COX15: variants seen among roughly 807,000 people sequenced by gnomAD.
COX15 encodes heme A synthase COX15.
A neutral mutation model predicts 51.9 loss-of-function variants in COX15; 51 were observed. That is an observed-to-expected ratio of 0.98 (90% confidence interval 0.78 to 1.24). The LOEUF is 1.24. Among genes scored for constraint, COX15 ranks in the 50% most tolerant of loss-of-function variants. COX15 has a pLI of 0.00. For missense variants in COX15, 420 were observed against 501.1 expected, an observed-to-expected ratio of 0.84 and a Z score of 1.55; for synonymous variants, 188 against 190.5, an observed-to-expected ratio of 0.99 and a Z score of 0.11.
chr10:99,714,276 C>T lies in COX15; in HGVS notation c.*311G>A. On this transcript the variant is annotated 3_prime_UTR_variant, in exon 9 of 9. Transcript: ENST00000016171. ...CCACGTAGAAATCATCCACGTAGAACCAAGAGCTTGCCAACACTGAAAAAC... is the reference window on the plus strand; with the variant it reads ...CCACGTAGAAATCATCCACGTAGAATCAAGAGCTTGCCAACACTGAAAAAC... The T allele has an allele frequency of 8.4e-7, 1 of 1,197,322 alleles. No individual in the cohort carries two copies. The highest frequency in any genetic ancestry group is 1.1e-6 in the Non-Finnish European group (1 of 949,826). The allele number at this position is 1,197,322 out of a possible 1,614,324, so 74.2% of individuals were successfully genotyped here. A position where few individuals can be genotyped will look rare whatever the true frequency, so the allele number is the denominator to read the frequency against.
At position 99,714,210 on chromosome 10, in the gene COX15, A is replaced by G. The variant is rs2036493202; in HGVS notation, c.*377T>C. 1 of 1,081,086 alleles carries G rather than the reference A, an allele frequency of 9.2e-7. No individual in the cohort carries two copies. Among genetic ancestry groups the G allele is most frequent in the Admixed American group, 4.8e-5 (1 of 21,050 alleles). 67.0% of individuals were successfully genotyped at this position (1,081,086 alleles called of 1,614,324 possible). A position where few individuals can be genotyped will look rare whatever the true frequency, so the allele number is the denominator to read the frequency against. ...AATGGAAGTGAAGTTAAGATCATAAAGAAATTCTATTTAGGCAGAATTAAG... is the reference window on the plus strand; with the variant it reads ...AATGGAAGTGAAGTTAAGATCATAAGGAAATTCTATTTAGGCAGAATTAAG... On this transcript the variant is annotated 3_prime_UTR_variant, in exon 9 of 9. Transcript: ENST00000016171.
At chr10:99,700,393 CGTGTGTGTGTGTGTGTGTGTATGT>C in the COX15 span, among the ~76,000 whole-genome samples, 263 of 103,612 alleles carry the variant, frequency 2.5e-3, 1 homozygote, top group African/African-American at 8.5e-3. Flanking sequence ...TCCAACGTAC[CGTGTGTGTGTGTGTGTGTGTATGT>C]GTGTGTGTGT....
At chr10:99,709,484 A>G, downstream of COX15, 1 of 985,440 alleles carries the variant, frequency 1.0e-6, no homozygotes, top group South Asian at 4.7e-5. Flanking sequence ...TTGCTGTTAA[A>G]AAACTAAGAC....
At chr10:99,721,279 A>G (rs949994170) in intron 5 of COX15, among the ~76,000 whole-genome samples, 8 of 152,182 alleles carry the variant, frequency 5.3e-5, no homozygotes, top group Admixed American at 1.3e-4. Flanking sequence ...CTTCTACCCC[A>G]TAAGTTTTGT....
the COX15 span, chr10:99,704,932 A>G: frequency 1.9e-6 from 1 of 520,624 alleles, no homozygotes. Context: ...AGCTTTGTCC[A>G]AGTGAAGCAG....
At chr10:99,695,962 G>T in the COX15 span, 2 of 1,612,544 alleles carry the variant, frequency 1.2e-6, no homozygotes, top group South Asian at 1.1e-5. Flanking sequence ...ATAGGAAGAA[G>T]CTGCCAAGAT....
At chr10:99,695,002 G>C in the COX15 span, among the ~76,000 whole-genome samples, 1 of 152,274 alleles carries the variant, frequency 6.6e-6, no homozygotes, top group South Asian at 2.1e-4. Context: ...CCATGGCAGA[G>C]AATGGAATGA....
the COX15 span, chr10:99,697,559 G>T: frequency 2.3e-4 from 36 of 155,374 alleles, no homozygotes; most frequent in Admixed American, 1.9e-3. Context: ...GGCATATCTT[G>T]TGTAGCTGCC....
rs781659102 is a variant in COX15, at chr10:99,712,004, G to GA, written c.*2582dup. On this transcript the variant is annotated 3_prime_UTR_variant, in exon 9 of 9. Transcript: ENST00000016171. Reference sequence around the variant, plus strand: ...TGTCACATGGTGAGAGAGAGCAAGCGAGAGAGGAGGAAGTTCCAGGCTCTT... The same window carrying GA: ...TGTCACATGGTGAGAGAGAGCAAGCGAAGAGAGGAGGAAGTTCCAGGCTCTT... 3 of 282,816 alleles carry GA rather than the reference G, an allele frequency of 1.1e-5. No homozygotes were observed. Among genetic ancestry groups the GA allele is most frequent in the Non-Finnish European group, 1.6e-5 (3 of 187,588 alleles). 17.5% of individuals were successfully genotyped at this position (282,816 alleles called of 1,614,324 possible). A position where few individuals can be genotyped will look rare whatever the true frequency, so the allele number is the denominator to read the frequency against.
In COX15 at chr10:99,717,999, A is replaced by G. The variant is rs531762779; in HGVS notation, c.987+347T>C. On this transcript the variant is annotated intron_variant, in intron 7 of 8. Transcript: ENST00000016171. ...CGTGCTTAGCAGCTATGGTCTCCGC[A>G]TTCGCTTCTCTACTCAACCACATTT... Among the ~76,000 whole-genome samples, 4 of 152,314 alleles carry G rather than the reference A, an allele frequency of 2.6e-5. No individual in the cohort carries two copies. In the East Asian group the frequency reaches 7.7e-4, roughly 29 times the overall value.
At position 99,711,857 on chromosome 10, in the gene COX15, A is replaced by C. The variant is rs1371919839; in HGVS notation, c.*2730T>G. ...AAATACTGACAATTTTTAGAAAGAA[A>C]AGAGGTTTATTTGGCTCACTGTTCT... On this transcript the variant is annotated 3_prime_UTR_variant, in exon 9 of 9. Coordinates refer to ENST00000016171, the MANE Select transcript of COX15 (RefSeq NM_078470.6). 2.0e-6 allele frequency: 2 copies of C among 980,956 alleles called. No homozygotes were observed. The highest frequency in any genetic ancestry group is 2.4e-6 in the Non-Finnish European group (2 of 825,940). The allele number at this position is 980,956 out of a possible 1,614,324, so 60.8% of individuals were successfully genotyped here.
chr10:99,723,145 C>CTTT, intron 5 of COX15: 1 of 143,898 alleles, frequency 6.9e-6, no homozygotes, highest in Non-Finnish European at 1.5e-5. Context: ...ATATAAGACT[C>CTTT]TTTTTTTTTT....
chr10:99,695,826 G>A, the COX15 span: 1 of 806,652 alleles, frequency 1.2e-6, no homozygotes, highest in Admixed American at 3.3e-5. Context: ...AATGCTATGA[G>A]GATGAAAGAA....
At chr10:99,728,228 A>G (rs1590105040) in intron 2 of COX15, among the ~76,000 whole-genome samples, 1 of 152,332 alleles carries the variant, frequency 6.6e-6, no homozygotes, top group African/African-American at 2.4e-5. Context: ...GGGCCCTGCC[A>G]AAAAGTCACT....
chr10:99,726,232 G>C (rs1187244125), intron 4 of COX15, among the ~76,000 whole-genome samples: 2 of 152,080 alleles, frequency 1.3e-5, no homozygotes, highest in Non-Finnish European at 2.9e-5. Context: ...TCTAGCACAG[G>C]GATCCCTCTT....
chr10:99,695,982 T>C, the COX15 span: 1 of 1,613,676 alleles, frequency 6.2e-7, no homozygotes, highest in Non-Finnish European at 8.5e-7. Context: ...TCCTGCTGGC[T>C]GAGTTCAACC....
downstream of COX15, among the ~76,000 whole-genome samples, chr10:99,708,337 G>A (rs2036291624): frequency 6.6e-6 from 1 of 152,120 alleles, no homozygotes; most frequent in African/African-American, 2.4e-5. Context: ...CATCTAAACA[G>A]ATGCTTCTCA....
At chr10:99,715,922 C>T (rs1408093062) in intron 8 of COX15, among the ~76,000 whole-genome samples, 5 of 150,600 alleles carry the variant, frequency 3.3e-5, no homozygotes, top group Non-Finnish European at 7.4e-5. Flanking sequence ...ACTTATTTTC[C>T]GGTTATTAAT....
At chr10:99,695,894 C>T in the COX15 span, 1 of 1,522,944 alleles carries the variant, frequency 6.6e-7, no homozygotes, top group Non-Finnish European at 8.9e-7. Flanking sequence ...TTAGCAATGT[C>T]ATAGCTTTCT....
Sources: gnomAD v4.1 joint callset for allele counts (sites outside exome capture counted in the v4.1 genomes callset) on GRCh38, gnomAD v4.1.1 for gene constraint, MANE v1.5 for transcripts, NCBI Gene and HGNC (gene_info 2026-07-23, HGNC 2026-07-21) for gene names.